Variants in RANBP2 observed in about 807,000 individuals in gnomAD.
RANBP2 encodes the protein E3 SUMO-protein ligase RanBP2.
RANBP2 carries 57 observed loss-of-function variants against 303.6 expected under a neutral mutation model. The ratio of observed to expected loss-of-function variants is 0.19; its 90% CI spans 0.15 to 0.23. The LOEUF (loss-of-function observed/expected upper bound fraction) is 0.23, where lower values mean the gene tolerates loss of function less well. RANBP2 is among the 10% of genes least tolerant of loss of function. RANBP2 has a pLI of 1.00. For synonymous variants in RANBP2, 1,167 were observed against 1,301.5 expected, an observed-to-expected ratio of 0.90 and a Z score of 2.23; for missense variants, 3,138 against 3,780.8, an observed-to-expected ratio of 0.83 and a Z score of 4.46.
chr2:108,931,350 C>T, the RANBP2 span, among the ~76,000 whole-genome samples: 4 of 152,336 alleles, frequency 2.6e-5, no homozygotes, highest in South Asian at 2.1e-4. Flanking sequence ...CCTAGCCTTA[C>T]ATGAGCTTTA....
intron 6 of RANBP2, among the ~76,000 whole-genome samples, chr2:108,738,212 C>G (rs977917141): frequency 2.3e-4 from 35 of 150,300 alleles, no homozygotes; most frequent in African/African-American, 8.6e-4. Flanking sequence ...AGTAGCTGGG[C>G]CTACAGGTGC....
chr2:109,687,020 C>T, the RANBP2 span, among the ~76,000 whole-genome samples: 1 of 152,178 alleles, frequency 6.6e-6, no homozygotes, highest in African/African-American at 2.4e-5. Flanking sequence ...CTAAATATGC[C>T]TATGTAAATA....
chr2:109,601,898 G>A, the RANBP2 span, among the ~76,000 whole-genome samples: 2 of 152,182 alleles, frequency 1.3e-5, no homozygotes, highest in African/African-American at 4.8e-5. Flanking sequence ...TTAGCCTACC[G>A]CAGCATAAGA....
the RANBP2 span, among the ~76,000 whole-genome samples, chr2:108,879,771 G>C: frequency 6.6e-6 from 1 of 152,212 alleles, no homozygotes; most frequent in East Asian, 1.9e-4. Context: ...AGCTCTGTTA[G>C]TTGAAGGGGA....
chr2:109,249,680 CT>C, the RANBP2 span, among the ~76,000 whole-genome samples: 1 of 145,562 alleles, frequency 6.9e-6, no homozygotes, highest in African/African-American at 2.7e-5. Context: ...CAGAGTCTTG[CT>C]GTGTCATCAA....
the RANBP2 span, among the ~76,000 whole-genome samples, chr2:109,670,632 TCTG>T: frequency 6.6e-6 from 1 of 152,192 alleles, no homozygotes; most frequent in Non-Finnish European, 1.5e-5. Context: ...CTGACCTCGT[TCTG>T]CTGCTGCTGC....
the RANBP2 span, chr2:109,614,996 C>T: frequency 1.3e-6 from 2 of 1,543,212 alleles, no homozygotes; most frequent in South Asian, 2.4e-5. Context: ...GGACTCCAGC[C>T]CCGGGGCCCA....
chr2:109,382,567 C>G, the RANBP2 span, among the ~76,000 whole-genome samples: 1 of 152,206 alleles, frequency 6.6e-6, no homozygotes, highest in Non-Finnish European at 1.5e-5. Context: ...AACAGCCCCT[C>G]TGTCACCCCA....
chr2:108,856,788 T>C, the RANBP2 span: 1 of 1,612,076 alleles, frequency 6.2e-7, no homozygotes, highest in Non-Finnish European at 8.5e-7. Context: ...CATAACTATT[T>C]TCCAGCTGAT....
the RANBP2 span, chr2:108,895,678 G>A: frequency 6.6e-6 from 1 of 152,148 alleles, no homozygotes; most frequent in Non-Finnish European, 1.5e-5. Flanking sequence ...CCCAATTATA[G>A]AATCACTAAC....
the RANBP2 span, chr2:109,371,442 G>A: frequency 8.7e-5 from 52 of 600,754 alleles, no homozygotes; most frequent in East Asian, 1.3e-3. Flanking sequence ...GAAGATGTCA[G>A]ATACCTGAAT....
chr2:108,947,318 G>C, the RANBP2 span, among the ~76,000 whole-genome samples: 164 of 152,288 alleles, frequency 1.1e-3, 1 homozygote, highest in East Asian at 0.03. Context: ...CTGGTGTTGA[G>C]TGCCTGTGGA....
chr2:109,050,487 T>TCAAGTAA, the RANBP2 span, among the ~76,000 whole-genome samples: 1 of 152,154 alleles, frequency 6.6e-6, no homozygotes, highest in Non-Finnish European at 1.5e-5. Flanking sequence ...ACTCCTGGCC[T>TCAAGTAA]CAAGTAATCC....
the RANBP2 span, among the ~76,000 whole-genome samples, chr2:108,898,422 G>A: frequency 6.6e-6 from 1 of 152,142 alleles, no homozygotes; most frequent in Non-Finnish European, 1.5e-5. Context: ...TCACCCAACA[G>A]TAGCAAGACA....
At chr2:109,402,671 A>G in the RANBP2 span, among the ~76,000 whole-genome samples, 1 of 152,214 alleles carries the variant, frequency 6.6e-6, no homozygotes, top group African/African-American at 2.4e-5. Context: ...GACTGACAGG[A>G]TGAATTCTTG....
chr2:109,226,673 G>C, the RANBP2 span, among the ~76,000 whole-genome samples: 7 of 152,164 alleles, frequency 4.6e-5, no homozygotes, highest in Non-Finnish European at 7.3e-5. Flanking sequence ...CCATGCATCT[G>C]CTCCCTTTGT....
the RANBP2 span, among the ~76,000 whole-genome samples, chr2:109,107,772 G>A: frequency 6.6e-6 from 1 of 152,072 alleles, no homozygotes; most frequent in African/African-American, 2.4e-5. Context: ...TGGAGTCTCT[G>A]TCGCCCAAGC....
At chr2:109,580,372 G>T in the RANBP2 span, among the ~76,000 whole-genome samples, 19,936 of 145,404 alleles carry the variant, frequency 0.14, 1,827 homozygotes, top group African/African-American at 0.26. Context: ...AAAATCTGGT[G>T]AAAGCATATA....
At chr2:108,931,075 C>T in the RANBP2 span, 1 of 1,563,794 alleles carries the variant, frequency 6.4e-7, no homozygotes, top group Non-Finnish European at 8.8e-7. Flanking sequence ...CGGTAGCACC[C>T]CAGCCGGGGG....
Sources: allele counts gnomAD v4.1 joint callset (sites outside exome capture counted in the v4.1 genomes callset), GRCh38; gene constraint gnomAD v4.1.1; transcripts MANE v1.5; gene names NCBI Gene and HGNC (gene_info 2026-07-23, HGNC 2026-07-21).